Variants in AGPS observed in about 807,000 individuals in gnomAD.
The protein encoded by AGPS is alkyldihydroxyacetonephosphate synthase, peroxisomal.
A neutral mutation model predicts 90.7 loss-of-function variants in AGPS; 26 were observed. The ratio of observed to expected loss-of-function variants is 0.29; its 90% CI spans 0.21 to 0.40. The LOEUF is 0.40. AGPS is among the 10% of genes least tolerant of loss of function. The pLI, the probability that AGPS is intolerant of heterozygous loss-of-function variation, is 1.00. For synonymous variants in AGPS, 294 were observed against 285.3 expected (o/e 1.03, Z -0.31); for missense variants, 540 against 816.1 (o/e 0.66, Z 4.12).
At chr2:177,393,478 G>T in intron 1 of AGPS, 4 of 985,438 alleles carry the variant, frequency 4.1e-6, no homozygotes, top group Non-Finnish European at 4.8e-6. Flanking sequence ...ATTCGCGAAA[G>T]CCTGCTGTGG....
At chr2:177,491,646 T>G (rs114625839) in intron 11 of AGPS, among the ~76,000 whole-genome samples, 3 of 151,898 alleles carry the variant, frequency 2.0e-5, no homozygotes, top group Non-Finnish European at 4.4e-5. Flanking sequence ...CTCCAAGATA[T>G]GTTTTATGAA....
At chr2:177,425,016 TTCTGTAGGTTG>T (rs1686038049) in intron 2 of AGPS, among the ~76,000 whole-genome samples, 1 of 152,180 alleles carries the variant, frequency 6.6e-6, no homozygotes, top group African/African-American at 2.4e-5. Context: ...TTTTCTCCCG[TTCTGTAGGTTG>T]TCTGTTCACT....
intron 11 of AGPS, 73 bp from the exon 12 acceptor site, chr2:177,493,075 A>G (rs1688313652): frequency 7.6e-7 from 1 of 1,313,024 alleles, no homozygotes; most frequent in Non-Finnish European, 1.1e-6. Flanking sequence ...TAGAAAGATA[A>G]TATTCACATT....
Position 177,509,539 on chromosome 2 carries a change from G to C in AGPS, c.1607+1508G>C, listed in dbSNP as rs539058408. ...AAATTAGCTGGGCCTGGTGGCGGGC[G>C]TCTGTAGTCCCAGCTACTCGGCATG... On this transcript the variant is annotated intron_variant, in intron 16 of 19. Coordinates refer to ENST00000264167, the MANE Select transcript of AGPS (RefSeq NM_003659.4). Among the ~76,000 whole-genome samples the C allele has an allele frequency of 2.0e-5, 3 of 151,784 alleles. No individual in the cohort carries two copies. In the East Asian group the frequency reaches 5.8e-4, roughly 29 times the overall value.
chr2:177,511,841 TC>T (rs1429859082), intron 16 of AGPS, among the ~76,000 whole-genome samples: 1 of 152,196 alleles, frequency 6.6e-6, no homozygotes, highest in Non-Finnish European at 1.5e-5. Context: ...TTCAGTCTGG[TC>T]CTTTCTCCAT....
chr2:177,529,322 T>C (rs1574036070), intron 19 of AGPS, among the ~76,000 whole-genome samples: 4 of 151,968 alleles, frequency 2.6e-5, no homozygotes, highest in Admixed American at 6.6e-5. Flanking sequence ...GAAAAAAAAC[T>C]AGCTCACTGT....
At chr2:177,476,051 G>A (rs1687773786) in intron 10 of AGPS, among the ~76,000 whole-genome samples, 1 of 151,134 alleles carries the variant, frequency 6.6e-6, no homozygotes, top group Non-Finnish European at 1.5e-5. Flanking sequence ...CTAGTGATTT[G>A]TGTCCTGTCT....
chr2:177,446,163 AT>A (rs1559049707), intron 8 of AGPS, among the ~76,000 whole-genome samples: 1 of 135,582 alleles, frequency 7.4e-6, no homozygotes. Context: ...TTTTTTTTTT[AT>A]TTTTTTTGAG....
chr2:177,515,362 AT>A (rs927108966), intron 17 of AGPS, among the ~76,000 whole-genome samples: 2 of 152,134 alleles, frequency 1.3e-5, no homozygotes, highest in South Asian at 2.1e-4. Flanking sequence ...ATTTGTTACC[AT>A]TAGATTTTGA....
At chr2:177,424,069 A>G (rs1439782476) in intron 2 of AGPS, among the ~76,000 whole-genome samples, 1 of 152,068 alleles carries the variant, frequency 6.6e-6, no homozygotes, top group Non-Finnish European at 1.5e-5. Context: ...TAGGTTATTA[A>G]GCCCACTATC....
At chr2:177,516,895 G>A (rs1689036450) in intron 17 of AGPS, among the ~76,000 whole-genome samples, 1 of 152,040 alleles carries the variant, frequency 6.6e-6, no homozygotes, top group Non-Finnish European at 1.5e-5. Flanking sequence ...TTGTATATCT[G>A]GTACTTAAAA....
At chr2:177,422,787 CTT>C (rs1246417707) in intron 2 of AGPS, among the ~76,000 whole-genome samples, 4 of 152,192 alleles carry the variant, frequency 2.6e-5, no homozygotes, top group Non-Finnish European at 5.9e-5. Flanking sequence ...TGAATCATAA[CTT>C]TCTCTATATC....
chr2:177,430,581 T>A (rs1686213203), intron 2 of AGPS, among the ~76,000 whole-genome samples: 1 of 152,048 alleles, frequency 6.6e-6, no homozygotes, highest in Non-Finnish European at 1.5e-5. Context: ...CTCTCACTGC[T>A]CTGCTTGGCT....
At position 177,423,051 on chromosome 2, in the gene AGPS, C is replaced by T. The variant is rs1357384565; in HGVS notation, c.350+2693C>T. 8.3e-5 allele frequency among the ~76,000 whole-genome samples: 6 copies of T among 72,550 alleles called. 2 individuals are homozygous for T. The highest frequency in any genetic ancestry group is 3.7e-4 in the Admixed American group (2 of 5,468). 47.6% of individuals were successfully genotyped at this position (72,550 alleles called of 152,430 possible). On this transcript the variant is annotated intron_variant, in intron 2 of 19. Coordinates refer to ENST00000264167, the MANE Select transcript of AGPS (RefSeq NM_003659.4). ...ATTAAAAACCAGGTGTTTTTTTAAA[C>T]TTCATTCTTCTGCAGTTTCTATTAT...
Position 177,399,394 on chromosome 2 carries a change from T to TTGG in AGPS, c.260+6346_260+6348dup, listed in dbSNP as rs540147720. 3.4e-3 allele frequency among the ~76,000 whole-genome samples: 525 copies of TTGG among 152,288 alleles called. 2 individuals are homozygous for TTGG. The highest frequency in any genetic ancestry group is 5.3e-3 in the Non-Finnish European group (360 of 68,020). Reference sequence around the variant, plus strand: ...TGCCTATTAGTGTTCTCTTTATTTGTTGGGTCTTGGGGGTGATATTTTGTC... The same window carrying TTGG: ...TGCCTATTAGTGTTCTCTTTATTTGTTGGTGGGTCTTGGGGGTGATATTTTGTC... On this transcript the variant is annotated intron_variant, in intron 1 of 19. Transcript: ENST00000264167.
At chr2:177,525,755 AT>A (rs1374565602) in intron 19 of AGPS, among the ~76,000 whole-genome samples, 2 of 152,218 alleles carry the variant, frequency 1.3e-5, no homozygotes, top group Admixed American at 1.3e-4. Flanking sequence ...AAATGACTGC[AT>A]GCATTACAGA....
chr2:177,440,464 TG>T (rs1686568110), intron 5 of AGPS, among the ~76,000 whole-genome samples: 1 of 152,112 alleles, frequency 6.6e-6, no homozygotes, highest in African/African-American at 2.4e-5. Flanking sequence ...GGGCATTCTA[TG>T]AAATAACTGA....
chr2:177,408,714 TTCTC>T (rs542638691), intron 1 of AGPS, among the ~76,000 whole-genome samples: 1 of 152,206 alleles, frequency 6.6e-6, no homozygotes, highest in Non-Finnish European at 1.5e-5. Context: ...TCCTTTCCGT[TTCTC>T]TCTCTCAATT....
At chr2:177,431,923 G>C (rs894451044) in intron 2 of AGPS, among the ~76,000 whole-genome samples, 1 of 152,178 alleles carries the variant, frequency 6.6e-6, no homozygotes, top group Admixed American at 6.5e-5. Context: ...ATTAAAGGCA[G>C]GCATAAGAAA....
Sources: gnomAD v4.1 joint callset for allele counts (sites outside exome capture counted in the v4.1 genomes callset) on GRCh38, gnomAD v4.1.1 for gene constraint, MANE v1.5 for transcripts, NCBI Gene and HGNC (gene_info 2026-07-23, HGNC 2026-07-21) for gene names.